CTNNA2: variants seen among roughly 807,000 people sequenced by gnomAD.
The protein encoded by CTNNA2 is catenin alpha-2.
Under a neutral mutation model 101.0 loss-of-function variants are expected in CTNNA2, and 42 were observed. The ratio of observed to expected loss-of-function variants is 0.42; its 90% CI spans 0.32 to 0.54. The LOEUF (loss-of-function observed/expected upper bound fraction) is 0.54. CTNNA2 is among the 20% of genes least tolerant of loss of function. The pLI, the probability that CTNNA2 is intolerant of heterozygous loss-of-function variation, is 0.14. For synonymous variants in CTNNA2, 450 were observed against 456.4 expected, an observed-to-expected ratio of 0.99 and a Z score of 0.18; for missense variants, 871 against 1,223.1, an observed-to-expected ratio of 0.71 and a Z score of 4.29.
At chr2:79,651,028 A>G (rs1220779859) in intron 1 of CTNNA2, among the ~76,000 whole-genome samples, 1 of 152,050 alleles carries the variant, frequency 6.6e-6, no homozygotes, top group Non-Finnish European at 1.5e-5. Context: ...CAGGTGCTGG[A>G]GAGGATGTGG....
intron 2 of CTNNA2, among the ~76,000 whole-genome samples, chr2:79,297,557 C>T (rs938462298): frequency 2.0e-5 from 3 of 152,178 alleles, no homozygotes; most frequent in African/African-American, 7.2e-5. Context: ...GATTTCCTCT[C>T]CTTTGCCCTC....
At chr2:79,691,045 T>G (rs768658851) in intron 2 of CTNNA2, among the ~76,000 whole-genome samples, 9 of 152,176 alleles carry the variant, frequency 5.9e-5, no homozygotes, top group Non-Finnish European at 1.2e-4. Flanking sequence ...AGAGTGTTCT[T>G]CATGCAGAAG....
chr2:79,685,215 A>G (rs907438044), intron 2 of CTNNA2, among the ~76,000 whole-genome samples: 3 of 152,242 alleles, frequency 2.0e-5, no homozygotes, highest in African/African-American at 7.2e-5. Flanking sequence ...CTAGATTAGC[A>G]TATAATTTCT....
intron 3 of CTNNA2, among the ~76,000 whole-genome samples, chr2:79,758,022 G>A (rs1225431895): frequency 2.0e-5 from 3 of 152,160 alleles, no homozygotes; most frequent in Non-Finnish European, 4.4e-5. Flanking sequence ...CACATCAGTT[G>A]TAAAGTTAAT....
chr2:80,352,684 G>C (rs1673420192), intron 7 of CTNNA2, among the ~76,000 whole-genome samples: 1 of 152,096 alleles, frequency 6.6e-6, no homozygotes, highest in African/African-American at 2.4e-5. Context: ...ATGGATTGTG[G>C]AAATATGCCA....
chr2:80,090,785 C>T (rs1243586131), intron 7 of CTNNA2, among the ~76,000 whole-genome samples: 2 of 152,008 alleles, frequency 1.3e-5, no homozygotes, highest in African/African-American at 2.4e-5. Flanking sequence ...TAGAGGTAAT[C>T]CAAACATCAC....
At chr2:79,710,709 G>A (rs1032995684) in intron 2 of CTNNA2, among the ~76,000 whole-genome samples, 1 of 152,150 alleles carries the variant, frequency 6.6e-6, no homozygotes, top group Non-Finnish European at 1.5e-5. Context: ...GAAAGTAGAT[G>A]TGTGTATGTT....
intron 1 of CTNNA2, among the ~76,000 whole-genome samples, chr2:79,597,376 T>G (rs1177117708): frequency 2.7e-5 from 4 of 150,074 alleles, no homozygotes; most frequent in Non-Finnish European, 5.9e-5. Context: ...GGAGGCTGAG[T>G]CAGGAGAATG....
chr2:79,455,310 C>A (rs1057190968), intron 4 of CTNNA2, among the ~76,000 whole-genome samples: 5 of 152,122 alleles, frequency 3.3e-5, no homozygotes, highest in Non-Finnish European at 5.9e-5. Flanking sequence ...GTTCTTCACT[C>A]TATGACATTG....
At chr2:79,729,867 A>G (rs1041806261) in intron 2 of CTNNA2, among the ~76,000 whole-genome samples, 3 of 152,106 alleles carry the variant, frequency 2.0e-5, no homozygotes, top group African/African-American at 7.2e-5. Context: ...TTGTAATTTA[A>G]TGGAAGAATA....
rs74953428 is a variant in CTNNA2, at chr2:79,716,780, G to A, written c.103-27607G>A. Among the ~76,000 whole-genome samples, 500 of 151,984 alleles carry A rather than the reference G, an allele frequency of 3.3e-3. 2 individuals carry two copies. Among genetic ancestry groups the A allele is most frequent in the Admixed American group, 0.012 (190 of 15,260 alleles). Reference sequence around the variant, plus strand: ...AGGAAGACTTAGCCAATAGTTGCAAGAAAATCAAATTTTAACAGGAGGTAC... The same window carrying A: ...AGGAAGACTTAGCCAATAGTTGCAAAAAAATCAAATTTTAACAGGAGGTAC... On this transcript the variant is annotated intron_variant, in intron 2 of 18. Coordinates refer to ENST00000402739, the MANE Select transcript of CTNNA2 (RefSeq NM_001282597.3).
At chr2:80,629,197 G>C (rs1319061512) in intron 18 of CTNNA2, among the ~76,000 whole-genome samples, 3 of 152,008 alleles carry the variant, frequency 2.0e-5, no homozygotes, top group Non-Finnish European at 1.5e-5. Flanking sequence ...CTTATATCAT[G>C]TCTACCCCAA....
chr2:79,316,189 T>C (rs570010363), intron 3 of CTNNA2, among the ~76,000 whole-genome samples: 5 of 152,184 alleles, frequency 3.3e-5, no homozygotes, highest in South Asian at 2.1e-4. Context: ...CCCAGCACCA[T>C]TTATTGAAAA....
chr2:79,839,040 A>T (rs190993394), intron 3 of CTNNA2, among the ~76,000 whole-genome samples: 1 of 152,160 alleles, frequency 6.6e-6, no homozygotes, highest in Non-Finnish European at 1.5e-5. Flanking sequence ...TTAATTTATT[A>T]ATCTTTTAAG....
intron 1 of CTNNA2, among the ~76,000 whole-genome samples, chr2:79,650,637 G>A (rs1253735279): frequency 1.4e-5 from 2 of 145,666 alleles, no homozygotes; most frequent in African/African-American, 5.1e-5. Context: ...TTTTTTAAAT[G>A]TATTTATTTT....
intron 9 of CTNNA2, among the ~76,000 whole-genome samples, chr2:80,515,428 A>AGCTATC (rs1382239515): frequency 6.6e-6 from 1 of 152,236 alleles, no homozygotes; most frequent in Non-Finnish European, 1.5e-5. Context: ...GCTCAGAATG[A>AGCTATC]CATAATAGTA....
At chr2:79,811,494 A>T (rs1256551022) in intron 3 of CTNNA2, among the ~76,000 whole-genome samples, 1 of 152,116 alleles carries the variant, frequency 6.6e-6, no homozygotes, top group African/African-American at 2.4e-5. Flanking sequence ...CTCAGATGGT[A>T]GTTTCTTTCG....
intron 4 of CTNNA2, among the ~76,000 whole-genome samples, chr2:79,382,771 G>A (rs373069565): frequency 2.8e-4 from 43 of 152,076 alleles, no homozygotes; most frequent in East Asian, 5.8e-4. Context: ...CCAACACCAC[G>A]CCCGGCTAAT....
At chr2:79,617,351 C>T (rs1678696099) in intron 1 of CTNNA2, among the ~76,000 whole-genome samples, 1 of 152,042 alleles carries the variant, frequency 6.6e-6, no homozygotes, top group South Asian at 2.1e-4. Context: ...TTTCTTTCTG[C>T]TTTCATTTTT....
Sources: gnomAD v4.1 joint callset for allele counts (sites outside exome capture counted in the v4.1 genomes callset) on GRCh38, gnomAD v4.1.1 for gene constraint, MANE v1.5 for transcripts, NCBI Gene and HGNC (gene_info 2026-07-23, HGNC 2026-07-21) for gene names.